The following KDM6A variants were observed in gnomAD, a reference collection of about 807,000 sequenced individuals.
The protein encoded by KDM6A is lysine demethylase 6A, also known as lysine-specific demethylase 6A.
A neutral mutation model predicts 117.6 loss-of-function variants in KDM6A; 11 were observed. The observed-to-expected ratio is 0.09, with a 90% CI of 0.06 to 0.15. The LOEUF (loss-of-function observed/expected upper bound fraction) is 0.15. KDM6A is among the 10% of genes least tolerant of loss of function. The pLI, the probability that KDM6A is intolerant of heterozygous loss-of-function variation, is 1.00. For synonymous variants in KDM6A, 384 were observed against 396.1 expected (o/e 0.97, Z 0.36); for missense variants, 799 against 1,077.3 (o/e 0.74, Z 3.62).
At chrX:44,906,063 ATCT>A (rs989046603) in intron 2 of KDM6A, among the ~76,000 whole-genome samples, 1 of 111,971 alleles carries the variant, frequency 8.9e-6, no homozygotes, top group African/African-American at 3.2e-5. Flanking sequence ...TTACTCAAAA[ATCT>A]TCTCAAAGAA....
chrX:45,047,664 C>CT lies in KDM6A; in HGVS notation c.655-4036dup, dbSNP rs755668460. Among the ~76,000 whole-genome samples the CT allele has an allele frequency of 4.6e-3, 124 of 27,160 alleles. 2 individuals are homozygous for CT. The highest frequency in any genetic ancestry group is 0.012 in the African/African-American group (108 of 9,206). The allele number at this position is 27,160 out of a possible 115,157, so 23.6% of individuals were successfully genotyped here. On this transcript the variant is annotated intron_variant, in intron 8 of 29. Transcript: ENST00000611820. ...TCCACATTCTTCAAATATCTGCTTGCTTTTTTTTTCTTTTTTTTTTTTTTT... is the reference window on the plus strand; with the variant it reads ...TCCACATTCTTCAAATATCTGCTTGCTTTTTTTTTTCTTTTTTTTTTTTTTT...
intron 2 of KDM6A, among the ~76,000 whole-genome samples, chrX:44,957,063 G>A (rs2038375126): frequency 9.1e-6 from 1 of 110,477 alleles, no homozygotes; most frequent in South Asian, 3.9e-4. Context: ...GCAGGAGGCC[G>A]AGGTTGCAAT....
At chrX:45,028,572 A>G (rs1389181624) in intron 6 of KDM6A, among the ~76,000 whole-genome samples, 2 of 111,669 alleles carry the variant, frequency 1.8e-5, no homozygotes, top group Non-Finnish European at 3.8e-5. Flanking sequence ...GTGTAACATC[A>G]CTGTTCCTTT....
intron 4 of KDM6A, among the ~76,000 whole-genome samples, chrX:44,981,984 T>TGAGGCAGAGAATCGCTTGAACCCGG (rs1233686188): frequency 2.7e-5 from 3 of 111,979 alleles, no homozygotes; most frequent in African/African-American, 9.7e-5. Flanking sequence ...CTGGGGAGGC[T>TGAGGCAGAGAATCGCTTGAACCCGG]GAGGCAGAGA....
intron 2 of KDM6A, among the ~76,000 whole-genome samples, chrX:44,959,748 A>G (rs1391142722): frequency 1.8e-5 from 2 of 111,732 alleles, no homozygotes; most frequent in Non-Finnish European, 3.8e-5. Flanking sequence ...TAAGAATTAT[A>G]TATGACTTAA....
chrX:45,045,762 C>T (rs1330568827), intron 8 of KDM6A, among the ~76,000 whole-genome samples: 1 of 111,051 alleles, frequency 9.0e-6, no homozygotes, highest in Admixed American at 9.6e-5. Flanking sequence ...TCCATTTCAT[C>T]TGTTGATGGA....
chrX:44,880,229 T>C (rs1425693108), intron 2 of KDM6A, among the ~76,000 whole-genome samples: 8 of 108,946 alleles, frequency 7.3e-5, no homozygotes, highest in Non-Finnish European at 1.9e-5. Context: ...AAGGATGATC[T>C]GCTGTGTGTT....
At chrX:45,100,630 T>G (rs2046304124) in intron 27 of KDM6A, among the ~76,000 whole-genome samples, 1 of 111,097 alleles carries the variant, frequency 9.0e-6, no homozygotes, top group Non-Finnish European at 1.9e-5. Context: ...CACATTCATT[T>G]GTCTTACGCC....
chrX:45,018,543 C>T (rs1338516381), intron 5 of KDM6A, among the ~76,000 whole-genome samples: 1 of 110,998 alleles, frequency 9.0e-6, no homozygotes, highest in Non-Finnish European at 1.9e-5. Flanking sequence ...CTAAAGGCAC[C>T]CATGGAGTAA....
chrX:45,084,564 G>T (rs183953501), intron 24 of KDM6A, among the ~76,000 whole-genome samples: 9 of 111,592 alleles, frequency 8.1e-5, no homozygotes, highest in Admixed American at 7.6e-4. Flanking sequence ...GCTTGCTTCT[G>T]GGTAAAATGG....
chrX:44,991,434 A>C (rs770771183), intron 4 of KDM6A, among the ~76,000 whole-genome samples: 1 of 109,726 alleles, frequency 9.1e-6, no homozygotes, highest in Non-Finnish European at 1.9e-5. Context: ...TCAGGACCAT[A>C]GGTTAGAACT....
intron 2 of KDM6A, among the ~76,000 whole-genome samples, chrX:44,919,665 G>T (rs1486393346): frequency 1.0e-5 from 1 of 97,107 alleles, no homozygotes; most frequent in Non-Finnish European, 2.0e-5. Flanking sequence ...TTTTGAGATG[G>T]GGTCCCGCTC....
chrX:45,100,233 G>A (rs1003622401), intron 27 of KDM6A, among the ~76,000 whole-genome samples: 40 of 111,354 alleles, frequency 3.6e-4, no homozygotes, highest in African/African-American at 1.3e-3. Flanking sequence ...AAGTGTTAGT[G>A]CAGGAGATGA....
intron 2 of KDM6A, among the ~76,000 whole-genome samples, chrX:44,919,766 T>C (rs2035792969): frequency 9.2e-6 from 1 of 109,175 alleles, no homozygotes; most frequent in African/African-American, 3.3e-5. Flanking sequence ...TGCACCACCA[T>C]GCCCAGCTAA....
chrX:44,985,541 T>C (rs1328546996), intron 4 of KDM6A, among the ~76,000 whole-genome samples: 4 of 111,658 alleles, frequency 3.6e-5, no homozygotes, highest in Non-Finnish European at 7.5e-5. Flanking sequence ...ATATTGGCTG[T>C]GGGTTTGTCA....
chrX:44,926,264 G>T (rs1036567720), intron 2 of KDM6A, among the ~76,000 whole-genome samples: 3 of 110,987 alleles, frequency 2.7e-5, no homozygotes, highest in Non-Finnish European at 5.7e-5. Context: ...CTAGAGACAG[G>T]GTTTGGTCAT....
In KDM6A at chrX:45,090,818, G is replaced by A. The variant is rs2148204643; in HGVS notation, c.3988G>A (p.Ala1330Thr). 8.3e-7 allele frequency: 1 copy of A among 1,209,836 alleles called. No homozygotes were observed. ...VPMVHLSWNM[A>T]RNIKVSDPKL... ...CATGGTTCATCTTTCCTGGAATATGGCACGAAATATCAAGGTCTCAGATCC... is the reference window on the plus strand; with the variant it reads ...CATGGTTCATCTTTCCTGGAATATGACACGAAATATCAAGGTCTCAGATCC... Residue 1330 changes from alanine (A) to threonine (T), a missense_variant, in exon 27 of 30, where the codon GCA (alanine) becomes ACA (threonine). By Grantham distance (58) the Ala-to-Thr change is moderately conservative. Around this residue, in one of 8 missense-constraint regions of KDM6A, gnomAD observed 291 missense variants for 437.9 expected, o/e 0.66. Coordinates refer to ENST00000611820, the MANE Select transcript of KDM6A (RefSeq NM_001291415.2).
intron 27 of KDM6A, among the ~76,000 whole-genome samples, chrX:45,097,126 C>T (rs1459281709): frequency 3.6e-5 from 4 of 111,282 alleles, no homozygotes; most frequent in Non-Finnish European, 5.7e-5. Flanking sequence ...CCAAGTGCCA[C>T]ATGTTCTCAC....
intron 18 of KDM6A, among the ~76,000 whole-genome samples, chrX:45,071,739 TTCTTTTCTTGTCTTTTCTTG>T (rs201404259): frequency 7.2e-5 from 7 of 96,960 alleles, no homozygotes; most frequent in East Asian, 6.5e-4. Flanking sequence ...GTGTTTTCTT[TTCTTTTCTTGTCTTTTCTTG>T]TCTTTTCTTG....
Sources: gnomAD v4.1 joint callset for allele counts (sites outside exome capture counted in the v4.1 genomes callset) on GRCh38, gnomAD v4.1.1 for gene constraint, gnomAD v4.1.1 regional missense constraint, MANE v1.5 for transcripts, NCBI Gene and HGNC (gene_info 2026-07-23, HGNC 2026-07-21) for gene names.